Variants in ANKRD11 observed in about 807,000 individuals in gnomAD.
ANKRD11 encodes the protein ankyrin repeat domain 11, also known as ankyrin repeat domain-containing protein 11.
Under a neutral mutation model 195.7 loss-of-function variants are expected in ANKRD11, and 17 were observed. The observed-to-expected ratio is 0.09, with a 90% CI of 0.06 to 0.13. The LOEUF is 0.13. ANKRD11 is among the 10% of genes least tolerant of loss of function. The pLI, the probability that ANKRD11 is intolerant of heterozygous loss-of-function variation, is 1.00. For missense variants in ANKRD11, 3,735 were observed against 3,566.1 expected (o/e 1.05, Z -1.21); for synonymous variants, 1,953 against 1,528.1 (o/e 1.28, Z -6.49).
At chr16:89,326,142 G>C (rs1430328121) in intron 2 of ANKRD11, among the ~76,000 whole-genome samples, 1 of 152,242 alleles carries the variant, frequency 6.6e-6, no homozygotes, top group Admixed American at 6.5e-5. Context: ...AAGCAGGCGT[G>C]TGTGTTAAAG....
chr16:89,300,708 G>C (rs752950100), intron 4 of ANKRD11: 2 of 540,374 alleles, frequency 3.7e-6, no homozygotes, highest in Admixed American at 7.2e-5. Flanking sequence ...CAAACATGAC[G>C]TCAGGAAAAG....
At chr16:89,397,465 A>C (rs2152143012) in intron 2 of ANKRD11, among the ~76,000 whole-genome samples, 1 of 152,342 alleles carries the variant, frequency 6.6e-6, no homozygotes, top group African/African-American at 2.4e-5. Context: ...AGGGGGACCC[A>C]CAGGAAGCAG....
chr16:89,479,014 G>C lies in ANKRD11; in HGVS notation c.-145+11231C>G, dbSNP rs1004894779. Among the ~76,000 whole-genome samples the C allele has an allele frequency of 3.9e-5, 6 of 152,204 alleles. No homozygotes were observed. The East Asian group carries it at 1.2e-3, about 29-fold the overall frequency. On this transcript the variant is annotated intron_variant, in intron 1 of 12. Transcript: ENST00000301030. Reference sequence around the variant, plus strand: ...CACCGGGGCTAGAGACCAGTGGCATGATCTCAGCTCACTGCAACCTCAACC... The same window carrying C: ...CACCGGGGCTAGAGACCAGTGGCATCATCTCAGCTCACTGCAACCTCAACC...
At chr16:89,377,809 G>GT (rs745541169) in intron 2 of ANKRD11, among the ~76,000 whole-genome samples, 68 of 152,004 alleles carry the variant, frequency 4.5e-4, no homozygotes, top group Non-Finnish European at 9.0e-4. Flanking sequence ...AAAGCACTTC[G>GT]TAAGTTACAC....
chr16:89,269,571 CTGAG>C (rs76276959), intron 12 of ANKRD11, among the ~76,000 whole-genome samples: 21,175 of 151,740 alleles, frequency 0.14, 2,101 homozygotes, highest in East Asian at 0.36. Flanking sequence ...TGATGGGCCT[CTGAG>C]TGAGTTTCCA....
intron 2 of ANKRD11, among the ~76,000 whole-genome samples, chr16:89,386,478 G>A (rs2040915122): frequency 1.3e-5 from 2 of 152,196 alleles, no homozygotes; most frequent in South Asian, 2.1e-4. Flanking sequence ...AGGGACAGTG[G>A]AGGATAGAAC....
intron 2 of ANKRD11, among the ~76,000 whole-genome samples, chr16:89,367,540 G>C (rs1171630287): frequency 1.3e-5 from 2 of 152,180 alleles, no homozygotes; most frequent in African/African-American, 4.8e-5. Context: ...GCACACACCA[G>C]TCCCTGCCGC....
intron 1 of ANKRD11, among the ~76,000 whole-genome samples, chr16:89,477,193 C>T (rs1012860266): frequency 6.7e-6 from 1 of 149,412 alleles, no homozygotes; most frequent in African/African-American, 2.4e-5. Context: ...AGTCATTTCC[C>T]CTTTTTTTTT....
rs2034074364 is a variant in ANKRD11, at chr16:89,280,232, C to A, written c.6310G>T (p.Asp2104Tyr). 6.2e-7 allele frequency: 1 copy of A among 1,608,218 alleles called. No homozygotes were observed. The highest frequency in any genetic ancestry group is 2.2e-5 in the East Asian group (1 of 44,876). ...ALGPLENSFL[D>Y]GSRGLSHLGQ... is the part of the protein sequence containing the mutation. ...AGGTGAGACAGGCCGCGGCTGCCGT[C>A]CAGGAAGCTATTTTCCAGGGGCCCC... The change falls in exon 9 of 13, where the codon GAC becomes TAC. Residue 2104 changes from aspartate to tyrosine, a missense_variant. Transcript: ENST00000301030.
chr16:89,479,275 GA>G (rs540046120), intron 1 of ANKRD11, among the ~76,000 whole-genome samples: 1 of 146,110 alleles, frequency 6.8e-6, no homozygotes, highest in South Asian at 2.2e-4. Flanking sequence ...ACAAAAAAAG[GA>G]AAAAAAAAAC....
Position 89,462,940 on chromosome 16 carries a change from G to A in ANKRD11, c.-145+27305C>T, listed in dbSNP as rs543702755. ...GCCCAGCTGCCCCGTCCGGGAGGGA[G>A]GTGGAGGTGGGGGGGGTCAGCCCCC... On this transcript the variant is annotated intron_variant, in intron 1 of 12. Coordinates refer to ENST00000301030, the MANE Select transcript of ANKRD11 (RefSeq NM_013275.6). Among the ~76,000 whole-genome samples the A allele has an allele frequency of 6.6e-5, 10 of 151,746 alleles. No homozygotes were observed. The South Asian group carries it at 1.9e-3, about 28-fold the overall frequency.
rs1171653069 is a variant in ANKRD11, at chr16:89,450,091, C to T, written c.-144-31723G>A. On this transcript the variant is annotated intron_variant, in intron 1 of 12. Transcript: ENST00000301030. Reference sequence around the variant, plus strand: ...TCAGGATTTGCAAACAATTGTGTTACTGAATGTGTCACACTCTGCTCCAGC... The same window carrying T: ...TCAGGATTTGCAAACAATTGTGTTATTGAATGTGTCACACTCTGCTCCAGC... Among the ~76,000 whole-genome samples, 3 of 152,188 alleles carry T rather than the reference C, an allele frequency of 2.0e-5. No homozygotes were observed. In the East Asian group the frequency reaches 5.8e-4, roughly 29 times the overall value.
intron 9 of ANKRD11, chr16:89,278,747 G>C (rs1231213991): frequency 7.3e-6 from 4 of 544,644 alleles, no homozygotes; most frequent in African/African-American, 3.7e-5. Context: ...CTGGTGGACG[G>C]GGAGTGGAGA....
intron 1 of ANKRD11, among the ~76,000 whole-genome samples, chr16:89,477,602 C>T (rs1482535812): frequency 1.3e-5 from 2 of 151,792 alleles, no homozygotes; most frequent in African/African-American, 4.8e-5. Flanking sequence ...GGTGATCCAC[C>T]CGCTTCAGCC....
chr16:89,338,970 C>G (rs1016835369), intron 2 of ANKRD11, among the ~76,000 whole-genome samples: 9 of 152,164 alleles, frequency 5.9e-5, no homozygotes, highest in African/African-American at 2.2e-4. Flanking sequence ...GAACTCCTTT[C>G]CCTCAAAGTC....
At chr16:89,444,920 G>A (rs2911265) in intron 1 of ANKRD11, among the ~76,000 whole-genome samples, 79,810 of 152,092 alleles carry the variant, frequency 0.52, 21,113 homozygotes, top group Middle Eastern at 0.66. Flanking sequence ...TAAAGAGAGA[G>A]GCAGAGACCT....
rs73255814 is a variant in ANKRD11, at chr16:89,352,563, A to C, written c.-59-35485T>G. Among the ~76,000 whole-genome samples the C allele has an allele frequency of 4.0e-4, 61 of 152,232 alleles. No homozygotes were observed. The South Asian group carries it at 0.013, about 32-fold the overall frequency. On this transcript the variant is annotated intron_variant, in intron 2 of 12. Coordinates refer to ENST00000301030, the MANE Select transcript of ANKRD11 (RefSeq NM_013275.6). ...TGCCCCCAAGAGTGAGGCCCCTGTCAGGGCCACTTCCTCTCGCCCTGGCCC... is the reference window on the plus strand; with the variant it reads ...TGCCCCCAAGAGTGAGGCCCCTGTCCGGGCCACTTCCTCTCGCCCTGGCCC...
intron 4 of ANKRD11, among the ~76,000 whole-genome samples, chr16:89,295,876 ATGT>A (rs2035391105): frequency 4.1e-5 from 1 of 24,148 alleles, no homozygotes; most frequent in Non-Finnish European, 7.0e-5. Flanking sequence ...GTGGGATGTG[ATGT>A]GGGGGGCCTG....
At chr16:89,300,048 G>T in intron 4 of ANKRD11, 1 of 189,204 alleles carries the variant, frequency 5.3e-6, no homozygotes, top group Non-Finnish European at 1.0e-5. Flanking sequence ...TGTGCCCTGT[G>T]TGAGGTGCCT....
Sources: allele counts gnomAD v4.1 joint callset (sites outside exome capture counted in the v4.1 genomes callset), GRCh38; gene constraint gnomAD v4.1.1; transcripts MANE v1.5; gene names NCBI Gene and HGNC (gene_info 2026-07-23, HGNC 2026-07-21).